Variants in RGS6 observed in about 807,000 individuals in gnomAD.
RGS6 encodes the protein regulator of G-protein signaling 6.
RGS6 carries 30 observed loss-of-function variants against 78.5 expected under a neutral mutation model. The ratio of observed to expected loss-of-function variants is 0.38; its 90% CI spans 0.29 to 0.52. The LOEUF (loss-of-function observed/expected upper bound fraction) is 0.52. Ranked by LOEUF, RGS6 falls within the 20% of genes least tolerant of loss-of-function variation. The pLI is 0.85. For missense variants in RGS6, 495 were observed against 609.7 expected, an observed-to-expected ratio of 0.81 and a Z score of 1.98; for synonymous variants, 206 against 206.0, an observed-to-expected ratio of 1.00 and a Z score of 0.00.
chr14:72,288,979 G>A (rs374405876), intron 2 of RGS6, among the ~76,000 whole-genome samples: 1 of 152,170 alleles, frequency 6.6e-6, no homozygotes, highest in Non-Finnish European at 1.5e-5. Context: ...AAATGGCATA[G>A]AAGATGGCAA....
At chr14:72,375,313 A>C (rs1403439240) in intron 3 of RGS6, among the ~76,000 whole-genome samples, 1 of 152,266 alleles carries the variant, frequency 6.6e-6, no homozygotes, top group Non-Finnish European at 1.5e-5. Flanking sequence ...AAATGAAAAC[A>C]AATCTATATC....
At chr14:72,349,866 T>A (rs1383637868) in intron 2 of RGS6, among the ~76,000 whole-genome samples, 1 of 152,208 alleles carries the variant, frequency 6.6e-6, no homozygotes, top group Non-Finnish European at 1.5e-5. Context: ...GTTGGTTTCC[T>A]TCCAATTCTC....
chr14:72,186,331 G>A (rs188571937), intron 2 of RGS6, among the ~76,000 whole-genome samples: 60 of 152,318 alleles, frequency 3.9e-4, no homozygotes, highest in Admixed American at 8.5e-4. Context: ...CCGAGTTTGC[G>A]TAAGTTCTGT....
At chr14:72,333,732 C>G (rs1470203996) in intron 2 of RGS6, among the ~76,000 whole-genome samples, 3 of 152,200 alleles carry the variant, frequency 2.0e-5, no homozygotes, top group African/African-American at 7.2e-5. Flanking sequence ...CTCACCATCA[C>G]ACCCATGACC....
At chr14:72,192,848 A>G (rs978692325) in intron 2 of RGS6, among the ~76,000 whole-genome samples, 2 of 152,172 alleles carry the variant, frequency 1.3e-5, no homozygotes, top group South Asian at 4.1e-4. Context: ...ACTGGCTTCC[A>G]TGGAGGCATT....
Position 72,518,498 on chromosome 14 carries a change from TG to T in RGS6, c.1240del (p.Val414SerfsTer19). ...SHSYEITSQN[V>X]KDGGRYTFED... ...ACAGCTATGAGATAACCAGTCAAAA[TG>T]TCAAAGATGGAGGGAGATATACATT... is the stretch of plus-strand genomic sequence containing the variant. On this transcript the variant is annotated frameshift_variant, in exon 15 of 18. Transcript: ENST00000553525. LOFTEE classifies it high-confidence loss of function. The T allele has an allele frequency of 6.2e-7, 1 of 1,614,184 alleles. No individual in the cohort carries two copies. The highest frequency in any genetic ancestry group is 8.5e-7 in the Non-Finnish European group (1 of 1,180,028).
chr14:71,925,374 G>A, the RGS6 span, among the ~76,000 whole-genome samples: 1 of 152,134 alleles, frequency 6.6e-6, no homozygotes, highest in South Asian at 2.1e-4. Context: ...TCACCCTGCT[G>A]TTTCCTTTGC....
chr14:72,512,334 G>A lies in RGS6; in HGVS notation c.1091+2055G>A, dbSNP rs117825841. Among the ~76,000 whole-genome samples the A allele has an allele frequency of 5.7e-3, 867 of 152,264 alleles. 2 individuals are homozygous for A. The highest frequency in any genetic ancestry group is 8.8e-3 in the Non-Finnish European group (602 of 68,034). ...CAGAGCATTCATTCTAGAAAGTCCC[G>A]AGTGTAGCCAGAACCACATATCAGT... On this transcript the variant is annotated intron_variant, in intron 14 of 17. Transcript: ENST00000553525.
In RGS6 at chr14:72,427,481, G is replaced by T. The variant is rs367723594; in HGVS notation, c.185-27047G>T. ...CCTACCCTAACTGATGTTGCATTGA[G>T]CAAAGTGAGGTGAGCCGACCAACCT... On this transcript the variant is annotated intron_variant, in intron 3 of 17. Coordinates refer to ENST00000553525, the MANE Select transcript of RGS6 (RefSeq NM_001204424.2). Among the ~76,000 whole-genome samples the T allele has an allele frequency of 3.9e-5, 6 of 152,162 alleles. No homozygotes were observed. The East Asian group carries it at 7.7e-4, about 20-fold the overall frequency.
At chr14:71,996,211 A>G (rs993079403) in intron 2 of RGS6, among the ~76,000 whole-genome samples, 3 of 149,880 alleles carry the variant, frequency 2.0e-5, no homozygotes, top group African/African-American at 7.4e-5. Context: ...ACCTCCCCAC[A>G]CCAATTGTTT....
the RGS6 span, among the ~76,000 whole-genome samples, chr14:71,898,501 CT>C: frequency 6.6e-6 from 1 of 152,018 alleles, no homozygotes; most frequent in Admixed American, 6.6e-5. Flanking sequence ...TGTAGGTACA[CT>C]TTTTTTTATT....
chr14:72,380,336 A>G (rs2085741687), intron 3 of RGS6, among the ~76,000 whole-genome samples: 2 of 152,088 alleles, frequency 1.3e-5, no homozygotes, highest in African/African-American at 4.8e-5. Context: ...ATATCAAACT[A>G]AAAAGCTTCT....
intron 2 of RGS6, among the ~76,000 whole-genome samples, chr14:72,199,309 C>T (rs527610681): frequency 9.9e-5 from 15 of 152,150 alleles, no homozygotes; most frequent in Admixed American, 3.9e-4. Context: ...TTACTGGCTT[C>T]GTATTTAGTT....
intron 2 of RGS6, among the ~76,000 whole-genome samples, chr14:72,217,740 CAT>C (rs921229251): frequency 1.2e-4 from 18 of 152,226 alleles, no homozygotes; most frequent in African/African-American, 4.3e-4. Context: ...CACTTACAAA[CAT>C]ATATACATTT....
intron 2 of RGS6, among the ~76,000 whole-genome samples, chr14:72,255,160 A>G (rs2056799728): frequency 1.3e-5 from 2 of 152,134 alleles, no homozygotes; most frequent in African/African-American, 4.8e-5. Context: ...AAGGAAAGGC[A>G]GGGTATGCAG....
chr14:72,527,786 A>G (rs535681615), intron 15 of RGS6, among the ~76,000 whole-genome samples: 53 of 152,246 alleles, frequency 3.5e-4, no homozygotes, highest in Non-Finnish European at 6.6e-4. Flanking sequence ...CAGCAACACC[A>G]CATTCTGTCC....
At chr14:72,076,536 C>T (rs1187413087) in intron 2 of RGS6, among the ~76,000 whole-genome samples, 1 of 152,122 alleles carries the variant, frequency 6.6e-6, no homozygotes, top group Non-Finnish European at 1.5e-5. Context: ...TATCTATACA[C>T]ACTTTTTTTT....
chr14:72,184,593 C>T lies in RGS6; in HGVS notation c.85-167502C>T, dbSNP rs369315070. On this transcript the variant is annotated intron_variant, in intron 2 of 17. Coordinates refer to ENST00000553525, the MANE Select transcript of RGS6 (RefSeq NM_001204424.2). ...TGTTTTTAAACCTATCACAGATATT[C>T]CAGATCTTAAAATGCTCTGTTTGAA... Among the ~76,000 whole-genome samples, 4 of 152,180 alleles carry T rather than the reference C, an allele frequency of 2.6e-5. No individual in the cohort carries two copies. The East Asian group carries it at 7.7e-4, about 29-fold the overall frequency.
intron 2 of RGS6, among the ~76,000 whole-genome samples, chr14:72,124,341 C>T (rs1215806451): frequency 6.6e-6 from 1 of 152,158 alleles, no homozygotes; most frequent in East Asian, 1.9e-4. Context: ...GAAACCACTA[C>T]AGGCAAAGAT....
Sources: allele counts gnomAD v4.1 joint callset (sites outside exome capture counted in the v4.1 genomes callset), GRCh38; gene constraint gnomAD v4.1.1; transcripts MANE v1.5; gene names NCBI Gene and HGNC (gene_info 2026-07-23, HGNC 2026-07-21).